Variants in FMN1 observed in about 807,000 individuals in gnomAD.
FMN1 encodes the protein formin 1, also known as formin-1.
In FMN1, 110 loss-of-function variants were observed where a neutral mutation model predicts 132.4. The observed-to-expected ratio is 0.83, with a 90% confidence interval of 0.71 to 0.97. The LOEUF is 0.97. FMN1 is among the 50% of genes least tolerant of loss of function. FMN1 has a pLI of 0.00. For synonymous variants in FMN1, 722 were observed against 651.7 expected (o/e 1.11, Z -1.64); for missense variants, 1,792 against 1,705.3 (o/e 1.05, Z -0.90).
intron 16 of FMN1, among the ~76,000 whole-genome samples, chr15:32,863,311 C>A (rs2059316500): frequency 6.6e-6 from 1 of 152,140 alleles, no homozygotes; most frequent in Non-Finnish European, 1.5e-5. Flanking sequence ...GTGGCGGGCA[C>A]CTGTAGTCCC....
chr15:33,026,272 T>C (rs2035665448), intron 6 of FMN1, among the ~76,000 whole-genome samples: 1 of 152,070 alleles, frequency 6.6e-6, no homozygotes, highest in African/African-American at 2.4e-5. Context: ...TCAACACTGG[T>C]TTTAAAAATC....
intron 6 of FMN1, among the ~76,000 whole-genome samples, chr15:33,013,460 T>C (rs908820853): frequency 1.4e-5 from 2 of 139,336 alleles, no homozygotes; most frequent in Non-Finnish European, 3.2e-5. Flanking sequence ...CTAAGAAGAA[T>C]GGTGGTTTCC....
chr15:33,010,495 A>T (rs1214789116), intron 6 of FMN1, among the ~76,000 whole-genome samples: 1 of 152,196 alleles, frequency 6.6e-6, no homozygotes, highest in Non-Finnish European at 1.5e-5. Context: ...TAAATATTAT[A>T]TTGGTAAATA....
chr15:32,824,492 T>C (rs938189818), intron 17 of FMN1, among the ~76,000 whole-genome samples: 24 of 152,326 alleles, frequency 1.6e-4, no homozygotes, highest in Middle Eastern at 3.4e-3. Flanking sequence ...ATGTTCAACA[T>C]TGGTCAATTA....
chr15:33,114,005 A>G (rs1026855223), intron 4 of FMN1, among the ~76,000 whole-genome samples: 1 of 152,210 alleles, frequency 6.6e-6, no homozygotes, highest in Non-Finnish European at 1.5e-5. Flanking sequence ...TCTAAGGTCC[A>G]AGTCAAGCCT....
At chr15:32,875,203 G>C (rs937346612) in intron 16 of FMN1, among the ~76,000 whole-genome samples, 2 of 152,156 alleles carry the variant, frequency 1.3e-5, no homozygotes, top group African/African-American at 4.8e-5. Flanking sequence ...AAGTTTTCCT[G>C]CTATTGTCCC....
chr15:33,057,871 T>C (rs546573938), intron 6 of FMN1, among the ~76,000 whole-genome samples: 1 of 152,310 alleles, frequency 6.6e-6, no homozygotes, highest in African/African-American at 2.4e-5. Flanking sequence ...TCCCATCTGG[T>C]TTCTATGGAG....
rs557536425 is a variant in FMN1 at position 32,807,620 on chromosome 15, A to G, written c.3929-3288T>C. Among the ~76,000 whole-genome samples the G allele has an allele frequency of 2.0e-5, 3 of 152,312 alleles. No individual in the cohort carries two copies. The East Asian group carries it at 5.8e-4, about 29-fold the overall frequency. ...GTGCTAAGCAGAGTGTGGCCAAGCC[A>G]TAACTGTATATGAATTTAGTGACAA... On this transcript the variant is annotated intron_variant, in intron 17 of 20. Transcript: ENST00000616417.
chr15:32,797,084 A>C (rs2057314040), intron 19 of FMN1, among the ~76,000 whole-genome samples: 1 of 150,862 alleles, frequency 6.6e-6, no homozygotes, highest in South Asian at 2.1e-4. Context: ...GTGGCTGGGA[A>C]TCAGAGATAC....
intron 18 of FMN1, among the ~76,000 whole-genome samples, chr15:32,801,413 C>T (rs760554778): frequency 3.3e-5 from 5 of 152,104 alleles, no homozygotes; most frequent in East Asian, 1.9e-4. Flanking sequence ...CACAGACTCC[C>T]AGAGGATGGC....
At chr15:33,017,222 C>G (rs1327130936) in intron 6 of FMN1, among the ~76,000 whole-genome samples, 1 of 152,024 alleles carries the variant, frequency 6.6e-6, no homozygotes, top group Non-Finnish European at 1.5e-5. Context: ...AGTGCAACTA[C>G]TCTGTATGCT....
intron 4 of FMN1, among the ~76,000 whole-genome samples, chr15:33,110,414 A>G (rs1434403229): frequency 2.0e-5 from 3 of 152,112 alleles, no homozygotes; most frequent in African/African-American, 7.2e-5. Context: ...CTGGAAATAA[A>G]TGTAAATTTT....
chr15:32,781,661 G>A (rs1029445846), intron 19 of FMN1, among the ~76,000 whole-genome samples: 2 of 152,086 alleles, frequency 1.3e-5, no homozygotes, highest in African/African-American at 4.8e-5. Context: ...TATAAACCCA[G>A]TTTACTTATC....
chr15:33,066,955 C>T, intron 5 of FMN1: 1 of 1,613,984 alleles, frequency 6.2e-7, no homozygotes, highest in South Asian at 1.1e-5. Flanking sequence ...CAGGCTGCGT[C>T]AATTTGAGCA....
chr15:33,080,197 A>G (rs1313169075), intron 5 of FMN1, among the ~76,000 whole-genome samples: 1 of 152,202 alleles, frequency 6.6e-6, no homozygotes, highest in African/African-American at 2.4e-5. Context: ...CTTCCATGGA[A>G]ACAATACAAA....
chr15:32,960,351 T>G, intron 9 of FMN1, among the ~76,000 whole-genome samples: 1 of 152,130 alleles, frequency 6.6e-6, no homozygotes, highest in South Asian at 2.1e-4. Flanking sequence ...TTTAATCGCC[T>G]CCCACCAGGT....
chr15:33,184,028 T>C (rs149725273), intron 2 of FMN1, among the ~76,000 whole-genome samples: 38 of 152,344 alleles, frequency 2.5e-4, no homozygotes, highest in African/African-American at 8.2e-4. Context: ...GGTAAACTTA[T>C]TGGTTTCACC....
chr15:33,082,920 T>C (rs1397931482), intron 5 of FMN1, among the ~76,000 whole-genome samples: 5 of 152,172 alleles, frequency 3.3e-5, no homozygotes, highest in Admixed American at 6.5e-5. Flanking sequence ...GCATGTCCCA[T>C]ACAATATTTG....
chr15:32,847,491 G>T (rs1035713492), intron 17 of FMN1, among the ~76,000 whole-genome samples: 1 of 151,160 alleles, frequency 6.6e-6, no homozygotes, highest in Non-Finnish European at 1.5e-5. Flanking sequence ...CCAGCACTTT[G>T]GGAGGCTGGG....
Sources: gnomAD v4.1 joint callset for allele counts (sites outside exome capture counted in the v4.1 genomes callset) on GRCh38, gnomAD v4.1.1 for gene constraint, MANE v1.5 for transcripts, NCBI Gene and HGNC (gene_info 2026-07-23, HGNC 2026-07-21) for gene names.